Variants in DCDC1 observed in about 807,000 individuals in gnomAD.
DCDC1 encodes the protein doublecortin domain containing 1.
DCDC1 carries 200 observed loss-of-function variants against 178.3 expected under a neutral mutation model. The ratio of observed to expected loss-of-function variants is 1.12; its 90% CI spans 1.00 to 1.26. The LOEUF (loss-of-function observed/expected upper bound fraction) is 1.26, where lower values mean the gene tolerates loss of function less well. Ranked by LOEUF, DCDC1 falls within the 50% of genes most tolerant of loss-of-function variation. The pLI, the probability that DCDC1 is intolerant of heterozygous loss-of-function variation, is 0.00. For missense variants in DCDC1, 1,983 were observed against 1,749.2 expected, an observed-to-expected ratio of 1.13 and a Z score of -2.38; for synonymous variants, 690 against 604.8, an observed-to-expected ratio of 1.14 and a Z score of -2.07.
intron 11 of DCDC1, among the ~76,000 whole-genome samples, chr11:31,123,888 T>C (rs1961177365): frequency 6.6e-6 from 1 of 152,120 alleles, no homozygotes; most frequent in African/African-American, 2.4e-5. Flanking sequence ...AATATTCTTT[T>C]ATTTTAATTA....
Position 30,903,667 on chromosome 11 carries a change from G to A in DCDC1, c.4325C>T (p.Thr1442Met), listed in dbSNP as rs769411305. ...TGCTCTGGCAAGCCCAAGTTGTTCC[G>A]TGCATTCTGTAAGAAGCTAGATAAC... ...GTFPMLLTEC[T>M]EQLGLARAAS... The change falls in exon 32 of 39, where the codon ACG becomes ATG. Residue 1442 changes from threonine (T) to methionine (M), a missense_variant. Coordinates refer to ENST00000684477, the MANE Select transcript of DCDC1 (RefSeq NM_001387274.1). 171 of 1,601,948 alleles carry A rather than the reference G, an allele frequency of 1.1e-4. No homozygotes were observed. The highest frequency in any genetic ancestry group is 1.4e-4 in the Non-Finnish European group (163 of 1,173,710).
At chr11:31,337,507 A>G (rs1484379535) in intron 1 of DCDC1, among the ~76,000 whole-genome samples, 1 of 152,202 alleles carries the variant, frequency 6.6e-6, no homozygotes, top group Non-Finnish European at 1.5e-5. Context: ...TGACTCTACA[A>G]AAAGTAACTT....
intron 8 of DCDC1, among the ~76,000 whole-genome samples, chr11:31,242,929 T>G (rs1159845065): frequency 6.6e-6 from 1 of 151,858 alleles, no homozygotes; most frequent in East Asian, 1.9e-4. Context: ...GTTCAAGATT[T>G]TGTTACTAAT....
chr11:31,195,077 G>A (rs915404607), intron 9 of DCDC1, among the ~76,000 whole-genome samples: 3 of 151,978 alleles, frequency 2.0e-5, no homozygotes, highest in Non-Finnish European at 2.9e-5. Context: ...GCTTCCTCAC[G>A]CCTTACTTTC....
At chr11:31,179,763 T>A (rs1249803562) in intron 9 of DCDC1, among the ~76,000 whole-genome samples, 1 of 151,894 alleles carries the variant, frequency 6.6e-6, no homozygotes, top group East Asian at 1.9e-4. Flanking sequence ...GAGGAAAAAA[T>A]ATTTCCAAAC....
intron 1 of DCDC1, among the ~76,000 whole-genome samples, chr11:31,361,759 G>T (rs1313989622): frequency 6.6e-6 from 1 of 152,176 alleles, no homozygotes; most frequent in Non-Finnish European, 1.5e-5. Flanking sequence ...GGGATTACAG[G>T]CGTGAGCCAG....
intron 21 of DCDC1, chr11:30,944,021 G>A (rs1233014863): frequency 3.9e-6 from 1 of 257,976 alleles, no homozygotes; most frequent in Non-Finnish European, 7.7e-6. Context: ...CTCACTCAGG[G>A]TGTTGTTTGT....
At chr11:31,141,157 A>G (rs549279595) in intron 9 of DCDC1, among the ~76,000 whole-genome samples, 1 of 152,198 alleles carries the variant, frequency 6.6e-6, no homozygotes, top group Non-Finnish European at 1.5e-5. Context: ...AAAATATTTT[A>G]AAGTGTGCTT....
At chr11:31,364,140 A>G (rs1219696453) in intron 1 of DCDC1, among the ~76,000 whole-genome samples, 5 of 152,218 alleles carry the variant, frequency 3.3e-5, no homozygotes, top group African/African-American at 1.2e-4. Context: ...GCACAATTAA[A>G]GTAGGCTATG....
At chr11:30,904,811 A>T in intron 31 of DCDC1, 150 bp downstream of exon 31, 1 of 855,700 alleles carries the variant, frequency 1.2e-6, no homozygotes, top group Non-Finnish European at 1.8e-6. Context: ...AAATGTCTTT[A>T]AGTAAACAGA....
chr11:31,078,618 G>A (rs1259332007), intron 17 of DCDC1, among the ~76,000 whole-genome samples: 1 of 152,118 alleles, frequency 6.6e-6, no homozygotes, highest in Admixed American at 6.6e-5. Flanking sequence ...CTATTCTAAA[G>A]CAAGGTGCTA....
intron 38 of DCDC1, among the ~76,000 whole-genome samples, chr11:30,870,234 G>T (rs985823875): frequency 6.6e-6 from 1 of 152,110 alleles, no homozygotes; most frequent in African/African-American, 2.4e-5. Context: ...CTGTATTGCT[G>T]GTGAAAACTC....
chr11:31,170,551 A>G (rs2136218119), intron 9 of DCDC1, among the ~76,000 whole-genome samples: 1 of 152,356 alleles, frequency 6.6e-6, no homozygotes, highest in African/African-American at 2.4e-5. Flanking sequence ...TATTTTTAAA[A>G]GAATATTGAT....
At chr11:31,307,517 C>G in intron 4 of DCDC1, 122 bp downstream of exon 4, 2 of 1,360,826 alleles carry the variant, frequency 1.5e-6, no homozygotes, top group Non-Finnish European at 2.0e-6. Context: ...AAAACAAAAA[C>G]AAAACCCGAG....
At chr11:31,182,180 T>A (rs997504914) in intron 9 of DCDC1, among the ~76,000 whole-genome samples, 1 of 152,140 alleles carries the variant, frequency 6.6e-6, no homozygotes, top group East Asian at 1.9e-4. Context: ...CAGGACATTA[T>A]CCAGGAAAAC....
chr11:31,325,608 G>T (rs1454236080), intron 3 of DCDC1, among the ~76,000 whole-genome samples: 1 of 151,948 alleles, frequency 6.6e-6, no homozygotes, highest in Non-Finnish European at 1.5e-5. Context: ...GAAGGACAGT[G>T]GATAATGTAA....
intron 1 of DCDC1, among the ~76,000 whole-genome samples, chr11:31,363,587 T>C (rs146549193): frequency 2.4e-4 from 37 of 152,268 alleles, no homozygotes; most frequent in African/African-American, 7.7e-4. Flanking sequence ...CCAGGTGCCA[T>C]AGTTAATATA....
At chr11:30,899,520 C>A (rs779722307) in intron 34 of DCDC1, 21 bp downstream of exon 34, 1 of 1,439,166 alleles carries the variant, frequency 6.9e-7, no homozygotes, top group Admixed American at 2.7e-5. Context: ...TATGGTTATG[C>A]TTGATATAGT....
At chr11:30,952,270 A>C (rs1270294768) in intron 21 of DCDC1, among the ~76,000 whole-genome samples, 175 bp downstream of exon 21, 1 of 152,214 alleles carries the variant, frequency 6.6e-6, no homozygotes, top group Non-Finnish European at 1.5e-5. Context: ...TCATCTCCAT[A>C]ATGGGAGACT....
Sources: gnomAD v4.1 joint callset for allele counts (sites outside exome capture counted in the v4.1 genomes callset) on GRCh38, gnomAD v4.1.1 for gene constraint, MANE v1.5 for transcripts, NCBI Gene and HGNC (gene_info 2026-07-23, HGNC 2026-07-21) for gene names.